MCTP1: variants seen among roughly 807,000 people sequenced by gnomAD.
MCTP1 encodes multiple C2 and transmembrane domain containing 1, also known as multiple C2 and transmembrane domain-containing protein 1.
In MCTP1, 69 loss-of-function variants were observed where a neutral mutation model predicts 120.6. The observed-to-expected ratio is 0.57, with a 90% CI of 0.47 to 0.70. MCTP1 has a LOEUF of 0.70. Among genes scored for constraint, MCTP1 ranks in the 30% least tolerant of loss-of-function variants. MCTP1 has a pLI of 0.00. For synonymous variants in MCTP1, 529 were observed against 493.1 expected, an observed-to-expected ratio of 1.07 and a Z score of -0.96; for missense variants, 1,203 against 1,248.8, an observed-to-expected ratio of 0.96 and a Z score of 0.55.
chr5:94,712,615 A>G (rs1308572068), intron 20 of MCTP1, among the ~76,000 whole-genome samples: 2 of 152,104 alleles, frequency 1.3e-5, no homozygotes, highest in Admixed American at 6.6e-5. Flanking sequence ...TGTTGGGTCA[A>G]TCTGGTTATC....
At chr5:94,921,442 G>A (rs72775391) in intron 7 of MCTP1, among the ~76,000 whole-genome samples, 41 of 152,274 alleles carry the variant, frequency 2.7e-4, no homozygotes, top group Non-Finnish European at 5.1e-4. Flanking sequence ...TTGGACACAT[G>A]TATTGATCTG....
intron 1 of MCTP1, among the ~76,000 whole-genome samples, chr5:95,135,529 T>C (rs1759386101): frequency 6.6e-6 from 1 of 152,196 alleles, no homozygotes; most frequent in Non-Finnish European, 1.5e-5. Flanking sequence ...GTCAGTGGGC[T>C]GGGGAAGGCA....
rs192022610 is a variant in MCTP1 at position 95,018,799 on chromosome 5, T to C, written c.721-1315A>G. Reference sequence around the variant, plus strand: ...TCCATCTCTGTATGACATCTCCCAATTGTCTTTTTCTTTCAATTCCTATTA... The same window carrying C: ...TCCATCTCTGTATGACATCTCCCAACTGTCTTTTTCTTTCAATTCCTATTA... On this transcript the variant is annotated intron_variant, in intron 1 of 22. Transcript: ENST00000515393. Among the ~76,000 whole-genome samples the C allele has an allele frequency of 4.6e-5, 7 of 152,190 alleles. No individual in the cohort carries two copies. The East Asian group carries it at 1.4e-3, about 29-fold the overall frequency.
intron 7 of MCTP1, among the ~76,000 whole-genome samples, chr5:94,920,636 G>A (rs1042055637): frequency 6.6e-6 from 1 of 151,876 alleles, no homozygotes; most frequent in African/African-American, 2.4e-5. Flanking sequence ...CAGCTACTCG[G>A]GAGGCTGAGG....
At chr5:94,804,251 C>A (rs543207785) in intron 17 of MCTP1, among the ~76,000 whole-genome samples, 1 of 152,258 alleles carries the variant, frequency 6.6e-6, no homozygotes, top group African/African-American at 2.4e-5. Context: ...GATTTCAGTT[C>A]AATTTCTGCT....
At chr5:94,894,049 T>C (rs1422565136) in intron 11 of MCTP1, among the ~76,000 whole-genome samples, 1 of 152,152 alleles carries the variant, frequency 6.6e-6, no homozygotes, top group Non-Finnish European at 1.5e-5. Flanking sequence ...AATATTTCAG[T>C]TAGGTAAAAT....
intron 10 of MCTP1, 149 bp downstream of exon 10, chr5:94,909,102 A>AT (rs1807738560): frequency 1.1e-6 from 1 of 924,222 alleles, no homozygotes. Flanking sequence ...TTTTGAATCT[A>AT]TTTTTCAGTT....
chr5:94,924,889 GA>G (rs1812648596), intron 6 of MCTP1, among the ~76,000 whole-genome samples: 1 of 152,226 alleles, frequency 6.6e-6, no homozygotes, highest in Non-Finnish European at 1.5e-5. Context: ...CAGCAATTAA[GA>G]TTTTGGAGGC....
chr5:95,186,483 C>T (rs1749224115), intron 1 of MCTP1, among the ~76,000 whole-genome samples: 1 of 151,892 alleles, frequency 6.6e-6, no homozygotes, highest in Non-Finnish European at 1.5e-5. Context: ...GGATCTTATG[C>T]TAAAAATTGC....
chr5:95,007,246 G>A (rs1438545433), intron 2 of MCTP1, among the ~76,000 whole-genome samples: 1 of 152,104 alleles, frequency 6.6e-6, no homozygotes, highest in East Asian at 1.9e-4. Context: ...CGCGACACAG[G>A]ATTATGGGAA....
chr5:94,985,940 G>A (rs1222685427), intron 2 of MCTP1, among the ~76,000 whole-genome samples: 1 of 152,116 alleles, frequency 6.6e-6, no homozygotes, highest in Non-Finnish European at 1.5e-5. Flanking sequence ...CTTTTAAAGT[G>A]AGCTTTTCTT....
intron 18 of MCTP1, among the ~76,000 whole-genome samples, chr5:94,787,772 G>A (rs1251448844): frequency 6.6e-6 from 1 of 151,954 alleles, no homozygotes; most frequent in African/African-American, 2.4e-5. Flanking sequence ...GCCCGCCATC[G>A]CGCCCGGCTA....
chr5:95,273,834 C>T (rs1399996482), intron 1 of MCTP1, among the ~76,000 whole-genome samples: 1 of 152,138 alleles, frequency 6.6e-6, no homozygotes, highest in African/African-American at 2.4e-5. Context: ...TAGGAAAAAT[C>T]AAAAACATAA....
chr5:95,244,061 A>G lies in MCTP1; in HGVS notation c.720+39795T>C, dbSNP rs142985553. Among the ~76,000 whole-genome samples the G allele has an allele frequency of 5.9e-5, 9 of 152,338 alleles. No homozygotes were observed. In the East Asian group the frequency reaches 1.7e-3, roughly 29 times the overall value. On this transcript the variant is annotated intron_variant, in intron 1 of 22. Coordinates refer to ENST00000515393, the MANE Select transcript of MCTP1 (RefSeq NM_024717.7). ...AAAGACAGAGAGAGTATCTCCCTAC[A>G]GAGTAGAGAGAAGATATTTTTAACG...
intron 12 of MCTP1, among the ~76,000 whole-genome samples, chr5:94,874,102 T>G (rs1798325017): frequency 6.6e-6 from 1 of 152,054 alleles, no homozygotes; most frequent in Admixed American, 6.6e-5. Context: ...GTTTGATACC[T>G]TATACAAATG....
intron 1 of MCTP1, among the ~76,000 whole-genome samples, chr5:95,252,014 A>G (rs1757428397): frequency 6.6e-6 from 1 of 152,188 alleles, no homozygotes; most frequent in South Asian, 2.1e-4. Context: ...GCAGAATATC[A>G]TACATCACAG....
intron 1 of MCTP1, among the ~76,000 whole-genome samples, chr5:95,222,956 C>T (rs184565098): frequency 2.6e-5 from 4 of 152,296 alleles, no homozygotes; most frequent in South Asian, 2.1e-4. Context: ...CCATGAGAGA[C>T]GATGGTGTGG....
rs771804520 is a variant in MCTP1, at chr5:94,888,902, C to T, written c.1910G>A (p.Gly637Glu). 5.6e-6 allele frequency: 9 copies of T among 1,613,320 alleles called. No individual in the cohort carries two copies. The African/African-American group carries it at 9.4e-5, about 17-fold the overall frequency. ...FLQVKVIRAE[G>E]LMAADVTGKS... ...ACCAGTGACGTCGGCAGCCATTAAC[C>T]CTTCCGCTCTGATGACTTTCACCTG... Residue 637 changes from glycine to glutamate, a missense_variant, in exon 12 of 23, where the codon GGG becomes GAG. Physicochemically the swap from Gly to Glu is moderately conservative, Grantham distance 98 (BLOSUM62 -2). Coordinates refer to ENST00000515393, the MANE Select transcript of MCTP1 (RefSeq NM_024717.7).
intron 19 of MCTP1, among the ~76,000 whole-genome samples, chr5:94,723,776 G>T (rs1162699486): frequency 6.6e-6 from 1 of 152,044 alleles, no homozygotes; most frequent in Admixed American, 6.6e-5. Context: ...AATTTGGAGA[G>T]AAATATACCC....
Sources: allele counts gnomAD v4.1 joint callset (sites outside exome capture counted in the v4.1 genomes callset), GRCh38; gene constraint gnomAD v4.1.1; transcripts MANE v1.5; gene names NCBI Gene and HGNC (gene_info 2026-07-23, HGNC 2026-07-21).